LINGO2: variants seen among roughly 807,000 people sequenced by gnomAD.
LINGO2 encodes the protein leucine-rich repeat and immunoglobulin-like domain-containing nogo receptor-interacting protein 2.
A neutral mutation model predicts 30.6 loss-of-function variants in LINGO2; 14 were observed. The observed-to-expected ratio is 0.46, with a 90% CI of 0.30 to 0.72. LINGO2 has a LOEUF of 0.72. Among genes scored for constraint, LINGO2 ranks in the 30% least tolerant of loss-of-function variants. The probability of loss-of-function intolerance (pLI) is 0.07; values close to 1 mark genes in which losing one functional copy is unlikely to be tolerated. For synonymous variants in LINGO2, 317 were observed against 288.5 expected, an observed-to-expected ratio of 1.10 and a Z score of -1.00; for missense variants, 729 against 751.7, an observed-to-expected ratio of 0.97 and a Z score of 0.35.
At chr9:28,925,529 T>C in the LINGO2 span, among the ~76,000 whole-genome samples, 1 of 152,198 alleles carries the variant, frequency 6.6e-6, no homozygotes, top group Non-Finnish European at 1.5e-5. Context: ...ACAAGCATTC[T>C]TCATGACTTC....
At chr9:28,443,425 G>A (rs1824278572) in intron 2 of LINGO2, among the ~76,000 whole-genome samples, 1 of 152,204 alleles carries the variant, frequency 6.6e-6, no homozygotes, top group Admixed American at 6.5e-5. Context: ...AGTTGGTGGG[G>A]CAGGAGCCCC....
chr9:28,730,972 T>C, the LINGO2 span, among the ~76,000 whole-genome samples: 2 of 151,752 alleles, frequency 1.3e-5, no homozygotes, highest in Non-Finnish European at 1.5e-5. Flanking sequence ...TAGTATAAAG[T>C]CCAGAAACTG....
chr9:28,547,391 C>T (rs1822004814), intron 1 of LINGO2, among the ~76,000 whole-genome samples: 1 of 152,066 alleles, frequency 6.6e-6, no homozygotes, highest in Non-Finnish European at 1.5e-5. Flanking sequence ...ATTTGCATCT[C>T]TCTGATATAA....
chr9:29,132,355 G>A, the LINGO2 span, among the ~76,000 whole-genome samples: 1 of 152,076 alleles, frequency 6.6e-6, no homozygotes. Context: ...ACCTTTCTGT[G>A]TAGCAGATGA....
At chr9:28,277,591 G>T (rs1823161277) in intron 4 of LINGO2, among the ~76,000 whole-genome samples, 1 of 152,084 alleles carries the variant, frequency 6.6e-6, no homozygotes, top group Non-Finnish European at 1.5e-5. Context: ...GTCACCTGAG[G>T]TCAGGAGTTT....
chr9:28,936,415 T>C, the LINGO2 span, among the ~76,000 whole-genome samples: 11 of 152,198 alleles, frequency 7.2e-5, no homozygotes, highest in Non-Finnish European at 1.6e-4. Flanking sequence ...CTCAAATGGA[T>C]ACAATGGTTT....
At chr9:28,257,870 G>A (rs1255065598) in intron 4 of LINGO2, among the ~76,000 whole-genome samples, 1 of 151,702 alleles carries the variant, frequency 6.6e-6, no homozygotes, top group Non-Finnish European at 1.5e-5. Context: ...GTATATTCTA[G>A]AGCCCATGTA....
intron 1 of LINGO2, among the ~76,000 whole-genome samples, chr9:28,523,250 G>C (rs193072049): frequency 1.3e-5 from 2 of 150,762 alleles, no homozygotes; most frequent in Non-Finnish European, 3.0e-5. Context: ...AGTGCAGCTT[G>C]AAAAAAAAAT....
intron 4 of LINGO2, among the ~76,000 whole-genome samples, chr9:28,159,224 T>C (rs1384576570): frequency 1.3e-5 from 2 of 152,182 alleles, no homozygotes; most frequent in Non-Finnish European, 2.9e-5. Context: ...CTTTAAAAGA[T>C]GAGCTAGATA....
chr9:29,133,484 A>T, the LINGO2 span, among the ~76,000 whole-genome samples: 996 of 152,302 alleles, frequency 6.5e-3, 15 homozygotes, highest in African/African-American at 0.023. Context: ...AATTATTAGA[A>T]ATGTGGACAC....
chr9:28,682,826 C>T, the LINGO2 span, among the ~76,000 whole-genome samples: 2 of 152,120 alleles, frequency 1.3e-5, no homozygotes, highest in African/African-American at 4.8e-5. Context: ...GGAAGAATTT[C>T]ATATTAAAAC....
the LINGO2 span, among the ~76,000 whole-genome samples, chr9:29,017,542 G>C: frequency 6.6e-6 from 1 of 152,084 alleles, no homozygotes; most frequent in African/African-American, 2.4e-5. Context: ...AGCAGCTAAT[G>C]TGCACCACTG....
chr9:28,205,559 C>A (rs1450244905), intron 4 of LINGO2, among the ~76,000 whole-genome samples: 1 of 152,134 alleles, frequency 6.6e-6, no homozygotes, highest in Admixed American at 6.5e-5. Context: ...AGACAACAGC[C>A]TTGTCTACTT....
chr9:28,672,594 A>G (rs992303026), upstream of LINGO2, among the ~76,000 whole-genome samples: 7 of 152,194 alleles, frequency 4.6e-5, no homozygotes, highest in Non-Finnish European at 8.8e-5. Context: ...CCTACTCATT[A>G]TAAGTTTTAA....
intron 1 of LINGO2, among the ~76,000 whole-genome samples, chr9:28,494,434 T>C (rs906240535): frequency 6.6e-6 from 1 of 152,178 alleles, no homozygotes; most frequent in Non-Finnish European, 1.5e-5. Flanking sequence ...GTTCTCATTG[T>C]TCAGTTCCCA....
the LINGO2 span, among the ~76,000 whole-genome samples, chr9:29,025,259 A>C: frequency 6.6e-6 from 1 of 152,170 alleles, no homozygotes; most frequent in Admixed American, 6.6e-5. Context: ...GCAAAGTATC[A>C]CATCTAGGTC....
At chr9:28,789,339 T>C in the LINGO2 span, among the ~76,000 whole-genome samples, 1 of 152,208 alleles carries the variant, frequency 6.6e-6, no homozygotes, top group Non-Finnish European at 1.5e-5. Flanking sequence ...CTTATTGTCA[T>C]GAACCACAAT....
chr9:29,193,418 T>C, the LINGO2 span, among the ~76,000 whole-genome samples: 1 of 152,174 alleles, frequency 6.6e-6, no homozygotes, highest in Non-Finnish European at 1.5e-5. Context: ...TCCTCTCCAG[T>C]CATAATGATC....
intron 2 of LINGO2, among the ~76,000 whole-genome samples, chr9:28,450,822 T>C (rs1275126613): frequency 6.6e-6 from 1 of 151,936 alleles, no homozygotes; most frequent in South Asian, 2.1e-4. Context: ...TCCTCATATT[T>C]CCATTTTATA....
Sources: gnomAD v4.1 joint callset for allele counts (sites outside exome capture counted in the v4.1 genomes callset) on GRCh38, gnomAD v4.1.1 for gene constraint, MANE v1.5 for transcripts, NCBI Gene and HGNC (gene_info 2026-07-23, HGNC 2026-07-21) for gene names.